Variants in PREX2 observed in about 807,000 individuals in gnomAD.
PREX2 encodes phosphatidylinositol-3,4,5-trisphosphate dependent Rac exchange factor 2, also known as phosphatidylinositol 3,4,5-trisphosphate-dependent Rac exchanger 2 protein.
PREX2 carries 107 observed loss-of-function variants against 203.2 expected under a neutral mutation model. That is an observed-to-expected ratio of 0.53 (90% CI 0.45 to 0.62). The LOEUF (loss-of-function observed/expected upper bound fraction) is 0.62. Ranked by LOEUF, PREX2 falls within the 20% of genes least tolerant of loss-of-function variation. PREX2 has a pLI of 0.00. For missense variants in PREX2, 1,777 were observed against 1,955.9 expected (o/e 0.91, Z 1.72); for synonymous variants, 672 against 663.6 (o/e 1.01, Z -0.19).
intron 32 of PREX2, among the ~76,000 whole-genome samples, chr8:68,136,568 C>A (rs1252475281): frequency 6.6e-6 from 1 of 152,186 alleles, no homozygotes; most frequent in East Asian, 1.9e-4. Flanking sequence ...TGGAACATTT[C>A]TTGCTTTGTG....
intron 15 of PREX2, 54 bp downstream of exon 15, chr8:68,077,523 T>C (rs1809387486): frequency 1.6e-6 from 2 of 1,281,924 alleles, no homozygotes. Flanking sequence ...CGTTGGTTCT[T>C]AGGATACTGC....
chr8:68,142,158 T>C (rs1450288061), intron 33 of PREX2, among the ~76,000 whole-genome samples: 1 of 152,120 alleles, frequency 6.6e-6, no homozygotes, highest in Non-Finnish European at 1.5e-5. Flanking sequence ...ATAGTTTACA[T>C]TAGGATTCAC....
intron 1 of PREX2, among the ~76,000 whole-genome samples, chr8:67,992,704 T>C (rs1806644673): frequency 6.6e-6 from 1 of 152,222 alleles, no homozygotes; most frequent in Admixed American, 6.5e-5. Flanking sequence ...ATATTGGCAC[T>C]GTGACTTAGA....
At position 67,963,561 on chromosome 8, in the gene PREX2, T is replaced by C. The variant is rs1805690584; in HGVS notation, c.141+11026T>C. 4.6e-5 allele frequency among the ~76,000 whole-genome samples: 7 copies of C among 152,178 alleles called. No individual in the cohort carries two copies. In the South Asian group the frequency reaches 1.4e-3, roughly 32 times the overall value. On this transcript the variant is annotated intron_variant, in intron 1 of 39. Coordinates refer to ENST00000288368, the MANE Select transcript of PREX2 (RefSeq NM_024870.4). ...TATTTTTAGTTTATTTTTTGTTTTT[T>C]CTTTAATAAATCTCTAGTTCAGCCA...
At chr8:67,993,050 A>C (rs2129609523) in intron 1 of PREX2, among the ~76,000 whole-genome samples, 1 of 152,352 alleles carries the variant, frequency 6.6e-6, no homozygotes, top group Admixed American at 6.5e-5. Context: ...TTACGTTTGT[A>C]AGCAGATTTC....
chr8:68,205,674 G>T (rs1812609354), intron 37 of PREX2, among the ~76,000 whole-genome samples: 1 of 152,148 alleles, frequency 6.6e-6, no homozygotes, highest in Non-Finnish European at 1.5e-5. Context: ...CTTCAATCAG[G>T]TGCTTCATTC....
chr8:68,077,263 C>T, intron 14 of PREX2, 134 bp from the exon 15 acceptor site: 1 of 679,162 alleles, frequency 1.5e-6, no homozygotes, highest in Non-Finnish European at 2.7e-6. Flanking sequence ...TAGATGCATT[C>T]TGTCTTATAA....
chr8:68,112,553 T>G (rs925993695), intron 25 of PREX2, among the ~76,000 whole-genome samples: 2 of 152,266 alleles, frequency 1.3e-5, no homozygotes, highest in Admixed American at 6.5e-5. Flanking sequence ...AGCATTTTGC[T>G]ACTAAATGTA....
chr8:68,212,082 G>C (rs887719074), intron 37 of PREX2, among the ~76,000 whole-genome samples: 4 of 152,170 alleles, frequency 2.6e-5, no homozygotes, highest in Admixed American at 2.6e-4. Flanking sequence ...GGCTCTGCAT[G>C]TTTGAGCCCA....
chr8:68,038,219 T>C lies in PREX2; in HGVS notation c.766T>C (p.Ser256Pro). The C allele has an allele frequency of 6.2e-7, 1 of 1,613,852 alleles. No individual in the cohort carries two copies. Among genetic ancestry groups the C allele is most frequent in the Non-Finnish European group, 8.5e-7 (1 of 1,179,754 alleles). ...MLMCGVLLKI[S>P]SGNIQERVFF... ...AATGTGTGGAGTCTTACTGAAAATT[T>C]CTTCTGGAAATATTCAAGAACGGGT... Residue 256 changes from serine (S) to proline (P), a missense_variant, in exon 7 of 40, where the codon TCT becomes CCT. Physicochemically the swap from Ser to Pro is moderately conservative, Grantham distance 74. Coordinates refer to ENST00000288368, the MANE Select transcript of PREX2 (RefSeq NM_024870.4).
chr8:68,061,225 C>T (rs1370667731), intron 11 of PREX2, among the ~76,000 whole-genome samples: 4 of 152,188 alleles, frequency 2.6e-5, no homozygotes, highest in African/African-American at 9.6e-5. Context: ...CTTCTTTGGG[C>T]ACCGGCACAG....
At chr8:67,985,620 C>T (rs1001267684) in intron 1 of PREX2, among the ~76,000 whole-genome samples, 5 of 152,146 alleles carry the variant, frequency 3.3e-5, no homozygotes, top group Non-Finnish European at 5.9e-5. Context: ...ACACCAAGCT[C>T]TCATTGTTAA....
chr8:68,121,846 A>T (rs1810780753), intron 30 of PREX2, among the ~76,000 whole-genome samples: 1 of 152,184 alleles, frequency 6.6e-6, no homozygotes, highest in Non-Finnish European at 1.5e-5. Flanking sequence ...AGAATGTATG[A>T]GACAGTTCCT....
chr8:68,224,648 C>T (rs772505012), intron 39 of PREX2, 22 bp downstream of exon 39: 2 of 1,589,870 alleles, frequency 1.3e-6, no homozygotes, highest in Non-Finnish European at 1.7e-6. Flanking sequence ...CCCTGCTCTG[C>T]CCTTGCCCGA....
rs768828465 is a variant in PREX2, at chr8:68,056,845, A to G, written c.1238+871A>G. The stretch of plus-strand genomic sequence containing the variant: ...AATCAAACTTATCTATTCACTTCCT[A>G]GTAGTACCACCAATTTGTTGTGTGA... On this transcript the variant is annotated intron_variant, in intron 10 of 39. Coordinates refer to ENST00000288368, the MANE Select transcript of PREX2 (RefSeq NM_024870.4). Among the ~76,000 whole-genome samples the G allele has an allele frequency of 5.5e-4, 83 of 152,200 alleles. 1 individual carries two copies. The highest frequency in any genetic ancestry group is 1.7e-3 in the South Asian group (8 of 4,826).
At chr8:68,060,141 G>A (rs1378114390) in intron 10 of PREX2, among the ~76,000 whole-genome samples, 1 of 152,170 alleles carries the variant, frequency 6.6e-6, no homozygotes, top group Non-Finnish European at 1.5e-5. Context: ...TGGTGGGAGG[G>A]CAGTGAGAAG....
chr8:68,190,478 C>T (rs1446687005), intron 35 of PREX2, among the ~76,000 whole-genome samples: 1 of 152,120 alleles, frequency 6.6e-6, no homozygotes, highest in Non-Finnish European at 1.5e-5. Context: ...AGTGAAATAA[C>T]TCAGAAACAG....
intron 35 of PREX2, among the ~76,000 whole-genome samples, chr8:68,179,234 A>T (rs1184685259): frequency 6.6e-6 from 1 of 152,154 alleles, no homozygotes; most frequent in African/African-American, 2.4e-5. Context: ...TCAATTTTAG[A>T]CTTTTTTAGA....
chr8:67,985,623 A>G (rs1325732329), intron 1 of PREX2, among the ~76,000 whole-genome samples: 1 of 152,248 alleles, frequency 6.6e-6, no homozygotes, highest in East Asian at 1.9e-4. Context: ...CCAAGCTCTC[A>G]TTGTTAAGTA....
Sources: gnomAD v4.1 joint callset for allele counts (sites outside exome capture counted in the v4.1 genomes callset) on GRCh38, gnomAD v4.1.1 for gene constraint, MANE v1.5 for transcripts, NCBI Gene and HGNC (gene_info 2026-07-23, HGNC 2026-07-21) for gene names.